The following EVC variants were observed in gnomAD, a reference collection of about 807,000 sequenced individuals.
The protein encoded by EVC is evC complex member EVC.
Under a neutral mutation model 118.9 loss-of-function variants are expected in EVC, and 116 were observed. The ratio of observed to expected loss-of-function variants is 0.98; its 90% CI spans 0.84 to 1.14. The LOEUF (loss-of-function observed/expected upper bound fraction) is 1.14. Ranked by LOEUF, EVC falls within the 50% of genes most tolerant of loss-of-function variation. The pLI, the probability that EVC is intolerant of heterozygous loss-of-function variation, is 0.00. For missense variants in EVC, 1,401 were observed against 1,246.4 expected (o/e 1.12, Z -1.87); for synonymous variants, 619 against 534.7 (o/e 1.16, Z -2.18).
chr4:5,782,700 C>T (rs542952286), intron 11 of EVC, among the ~76,000 whole-genome samples: 3 of 151,984 alleles, frequency 2.0e-5, no homozygotes, highest in East Asian at 3.9e-4. Context: ...AGAGGCAGGA[C>T]AGCCGGAGCC....
chr4:5,818,943 C>T (rs1718078870), downstream of EVC, among the ~76,000 whole-genome samples: 1 of 152,242 alleles, frequency 6.6e-6, no homozygotes, highest in Admixed American at 6.5e-5. Flanking sequence ...CACCCACCTT[C>T]ACCCATTGTT....
intron 11 of EVC, among the ~76,000 whole-genome samples, chr4:5,766,178 GA>G (rs2152151849): frequency 6.6e-6 from 1 of 150,656 alleles, no homozygotes; most frequent in Non-Finnish European, 1.5e-5. Flanking sequence ...AGTTTGGCTG[GA>G]TATGAAATTC....
chr4:5,737,535 G>A lies in EVC; in HGVS notation c.702+4100G>A, dbSNP rs550079751. Among the ~76,000 whole-genome samples the A allele has an allele frequency of 2.1e-4, 32 of 152,304 alleles. No homozygotes were observed. Among genetic ancestry groups the A allele is most frequent in the African/African-American group, 3.6e-4 (15 of 41,564 alleles). On this transcript the variant is annotated intron_variant, in intron 5 of 20. Transcript: ENST00000264956. The surrounding 1 kb of genome is among the most constrained non-coding windows in gnomAD (Gnocchi z 5.0). Reference sequence around the variant, plus strand: ...CTTCAAAGAACAGGCTGACTCTCTCGCTAGGGGCTAATGCGGGAGATGACT... The same window carrying A: ...CTTCAAAGAACAGGCTGACTCTCTCACTAGGGGCTAATGCGGGAGATGACT...
Position 5,753,254 on chromosome 4 carries a change from G to A in EVC, c.1315+202G>A, listed in dbSNP as rs115275064. Among the ~76,000 whole-genome samples the A allele has an allele frequency of 8.7e-3, 1,319 of 152,308 alleles. 20 individuals carry two copies. The highest frequency in any genetic ancestry group is 0.03 in the African/African-American group (1,238 of 41,566). ...TTCTCTGTACAGCAGAGTCCATGAG[G>A]GCCACTGCCCAGGGCAGGGGTCACC... On this transcript the variant is annotated intron_variant, in intron 9 of 20. Coordinates refer to ENST00000264956, the MANE Select transcript of EVC (RefSeq NM_153717.3).
At chr4:5,796,272 C>T (rs943406347) in intron 13 of EVC, among the ~76,000 whole-genome samples, 5 of 151,900 alleles carry the variant, frequency 3.3e-5, no homozygotes, top group Non-Finnish European at 7.4e-5. Context: ...TCTGATATCT[C>T]GTGGGCATGT....
In EVC at chr4:5,798,819, A is replaced by T; in HGVS notation, c.2304+27A>T. On this transcript the variant is annotated intron_variant, in intron 15 of 20. Transcript: ENST00000264956. The surrounding 1 kb of genome is among the most constrained non-coding windows in gnomAD (Gnocchi z 4.1). ...TATGCACTGACCTCTGTCCCTGGGG[A>T]CACCGAGGGCAAGAATGTTCAGGGT... 6.2e-7 allele frequency: 1 copy of T among 1,601,688 alleles called. No homozygotes were observed. Among genetic ancestry groups the T allele is most frequent in the Non-Finnish European group, 8.5e-7 (1 of 1,174,984 alleles).
intron 11 of EVC, among the ~76,000 whole-genome samples, chr4:5,758,622 C>G (rs1318849609): frequency 1.3e-5 from 2 of 152,204 alleles, no homozygotes; most frequent in Admixed American, 1.3e-4. Context: ...AAGTTCTAAT[C>G]TTCCTCTGAG....
chr4:5,798,516 TC>T lies in EVC; in HGVS notation c.2098-67del. The T allele has an allele frequency of 1.3e-6, 2 of 1,484,108 alleles. No homozygotes were observed. Among genetic ancestry groups the T allele is most frequent in the Non-Finnish European group, 1.8e-6 (2 of 1,087,784 alleles). The allele number at this position is 1,484,108 out of a possible 1,614,324, so 91.9% of individuals were successfully genotyped here. A position where few individuals can be genotyped will look rare whatever the true frequency, so the allele number is the denominator to read the frequency against. On this transcript the variant is annotated intron_variant, in intron 14 of 20. Coordinates refer to ENST00000264956, the MANE Select transcript of EVC (RefSeq NM_153717.3). This position sits in a 1 kb window ranked among gnomAD's most constrained non-coding sequence, Gnocchi z 4.1. ...GGCCCTGGATAGGACCAGCCCCACA[TC>T]CCAGTCCTGGCCAGAGCTTCTCTGT... is the stretch of plus-strand genomic sequence containing the variant.
At chr4:5,766,955 C>T (rs1732977841) in intron 11 of EVC, among the ~76,000 whole-genome samples, 1 of 151,810 alleles carries the variant, frequency 6.6e-6, no homozygotes, top group South Asian at 2.1e-4. Flanking sequence ...GAACTGCATT[C>T]CTTTGGAGGA....
chr4:5,730,421 A>C (rs1577357898), intron 3 of EVC, among the ~76,000 whole-genome samples: 1 of 148,676 alleles, frequency 6.7e-6, no homozygotes, highest in Non-Finnish European at 1.5e-5. Flanking sequence ...AACTGGCTCA[A>C]GGAGCTGTTC....
intron 11 of EVC, among the ~76,000 whole-genome samples, chr4:5,778,675 T>G (rs1244943816): frequency 6.6e-6 from 1 of 152,202 alleles, no homozygotes; most frequent in African/African-American, 2.4e-5. Flanking sequence ...TCGCCCACTT[T>G]TTGATGGGGT....
At chr4:5,763,171 A>G (rs1322956758) in intron 11 of EVC, among the ~76,000 whole-genome samples, 2 of 108,930 alleles carry the variant, frequency 1.8e-5, no homozygotes, top group African/African-American at 7.5e-5. Flanking sequence ...TCCTTTCCCC[A>G]TTGCTTGTTT....
chr4:5,808,179 C>T (rs1716295909), intron 17 of EVC, 22 bp from the exon 18 acceptor site: 1 of 1,486,182 alleles, frequency 6.7e-7, no homozygotes, highest in Admixed American at 1.8e-5. Context: ...CCCTGCCAGC[C>T]TGCCTGCCTT....
At chr4:5,734,018 T>TC (rs1727271433) in intron 5 of EVC, among the ~76,000 whole-genome samples, 1 of 152,072 alleles carries the variant, frequency 6.6e-6, no homozygotes, top group Non-Finnish European at 1.5e-5. Flanking sequence ...GAACAAGAAC[T>TC]CAGAACTGTG....
At chr4:5,744,464 T>C (rs1390579661) in intron 6 of EVC, among the ~76,000 whole-genome samples, 1 of 152,220 alleles carries the variant, frequency 6.6e-6, no homozygotes, top group African/African-American at 2.4e-5. Context: ...TGTGAGTCTA[T>C]ACTTAGGACT....
rs963956660 is a variant in EVC, at chr4:5,723,540, A to G, written c.300+4167A>G. ...TTTTGTATTCCCCCCTTGAAGGTCAACTCCTGGGAAGCAGGGATTTTGCTT... is the reference window on the plus strand; with the variant it reads ...TTTTGTATTCCCCCCTTGAAGGTCAGCTCCTGGGAAGCAGGGATTTTGCTT... On this transcript the variant is annotated intron_variant, in intron 2 of 20. Transcript: ENST00000264956. 7.3e-5 allele frequency among the ~76,000 whole-genome samples: 11 copies of G among 151,074 alleles called. No individual in the cohort carries two copies. The East Asian group carries it at 7.8e-4, about 11-fold the overall frequency.
chr4:5,762,395 A>G (rs1162878121), intron 11 of EVC, among the ~76,000 whole-genome samples: 3 of 135,254 alleles, frequency 2.2e-5, no homozygotes, highest in African/African-American at 8.5e-5. Flanking sequence ...AGCATGATTT[A>G]TAGTCCTTTG....
At chr4:5,759,724 G>T (rs887936956) in intron 11 of EVC, among the ~76,000 whole-genome samples, 10 of 152,200 alleles carry the variant, frequency 6.6e-5, no homozygotes, top group Non-Finnish European at 1.2e-4. Context: ...CAAAGGGTAA[G>T]CCAAGCAGTA....
chr4:5,750,003 A>G (rs544290847), intron 8 of EVC, among the ~76,000 whole-genome samples: 2 of 152,206 alleles, frequency 1.3e-5, no homozygotes, highest in African/African-American at 4.8e-5. Context: ...ACATCCACAC[A>G]GTTGTTTGAG....
Sources: allele counts gnomAD v4.1 joint callset (sites outside exome capture counted in the v4.1 genomes callset), GRCh38; gene constraint gnomAD v4.1.1; non-coding constraint Gnocchi (gnomAD v3.1); transcripts MANE v1.5; gene names NCBI Gene and HGNC (gene_info 2026-07-23, HGNC 2026-07-21).